Variants in IQCK observed in about 807,000 individuals in gnomAD.
IQCK encodes IQ domain-containing protein K.
A neutral mutation model predicts 28.1 loss-of-function variants in IQCK; 29 were observed. The ratio of observed to expected loss-of-function variants is 1.03; its 90% CI spans 0.77 to 1.41. The LOEUF is 1.41. Ranked by LOEUF, IQCK falls within the 40% of genes most tolerant of loss-of-function variation. The probability of loss-of-function intolerance (pLI) is 0.00; values close to 1 mark genes in which losing one functional copy is unlikely to be tolerated. For synonymous variants in IQCK, 113 were observed against 115.1 expected, an observed-to-expected ratio of 0.98 and a Z score of 0.12; for missense variants, 359 against 314.7, an observed-to-expected ratio of 1.14 and a Z score of -1.07.
At chr16:19,738,372 TGGA>T (rs2054785004) in intron 4 of IQCK, among the ~76,000 whole-genome samples, 1 of 152,150 alleles carries the variant, frequency 6.6e-6, no homozygotes. Context: ...GTTTAGTTGA[TGGA>T]GGAGAACAGT....
chr16:19,762,421 A>C (rs1035509274), intron 4 of IQCK, among the ~76,000 whole-genome samples: 2 of 152,166 alleles, frequency 1.3e-5, no homozygotes, highest in African/African-American at 4.8e-5. Flanking sequence ...TAAATAACAA[A>C]ATCCTGCAAT....
chr16:19,858,397 G>A (rs2056590479), exon 10 of IQCK: 1 of 496,200 alleles, frequency 2.0e-6, no homozygotes, highest in Non-Finnish European at 3.6e-6. Context: ...GGGGAAGCAC[G>A]ACTTTCCATG....
At chr16:19,827,118 G>C in exon 8 of IQCK, 1 of 1,613,390 alleles carries the variant, frequency 6.2e-7, no homozygotes, top group Non-Finnish European at 8.5e-7. Context: ...AAATTTTCTG[G>C]GCCAAGCAAG....
At chr16:19,782,636 AAGAGAAAG>A (rs1034767768) in intron 6 of IQCK, among the ~76,000 whole-genome samples, 1 of 151,954 alleles carries the variant, frequency 6.6e-6, no homozygotes, top group Admixed American at 6.6e-5. Flanking sequence ...AAAAAAAGAA[AAGAGAAAG>A]AGAGAAAGAA....
At chr16:19,761,602 C>T in intron 4 of IQCK, 1 of 279,428 alleles carries the variant, frequency 3.6e-6, no homozygotes, top group South Asian at 3.3e-5. Context: ...ATTTCCATAA[C>T]AATTCTCTAA....
intron 1 of IQCK, among the ~76,000 whole-genome samples, chr16:19,727,521 A>G (rs1203326912): frequency 6.7e-6 from 1 of 148,494 alleles, no homozygotes; most frequent in Admixed American, 6.8e-5. Context: ...CAGGAGGCGG[A>G]GGTTGCAGTG....
At chr16:19,735,387 T>C (rs762429784) in exon 4 of IQCK, 3 of 1,614,000 alleles carry the variant, frequency 1.9e-6, no homozygotes, top group Non-Finnish European at 2.5e-6. Flanking sequence ...CTTTCATCTT[T>C]CCTGTTCTGC....
chr16:19,844,688 C>T (rs186758427), intron 9 of IQCK, among the ~76,000 whole-genome samples: 22 of 152,270 alleles, frequency 1.4e-4, no homozygotes, highest in Non-Finnish European at 2.9e-4. Flanking sequence ...GAAAGAACGC[C>T]GGTTGAAACT....
rs1297259454 is a variant in IQCK, at chr16:19,807,407, G to C, written c.690+18485G>C. On this transcript the variant is annotated intron_variant, in intron 7 of 7. Coordinates refer to ENST00000564186, the Ensembl canonical transcript of IQCK. ...AATGGAGACCAATACAATAACTCAG[G>C]CTGCTGCAGAGAGAACAGATTGTAA... is the stretch of plus-strand genomic sequence containing the variant. 2.0e-5 allele frequency among the ~76,000 whole-genome samples: 3 copies of C among 152,320 alleles called. No homozygotes were observed. The East Asian group carries it at 5.8e-4, about 29-fold the overall frequency.
intron 6 of IQCK, among the ~76,000 whole-genome samples, chr16:19,767,109 A>G (rs868609742): frequency 1.3e-4 from 20 of 152,282 alleles, no homozygotes; most frequent in African/African-American, 4.3e-4. Context: ...CTGCTGCTCA[A>G]ACCTCTAGGG....
chr16:19,786,505 C>T (rs902864613), intron 6 of IQCK, among the ~76,000 whole-genome samples: 3 of 145,092 alleles, frequency 2.1e-5, no homozygotes, highest in African/African-American at 5.7e-5. Flanking sequence ...TGAGACCAAC[C>T]TGGCCAACAC....
chr16:19,766,341 G>A (rs1013415514), intron 6 of IQCK, among the ~76,000 whole-genome samples: 25 of 152,344 alleles, frequency 1.6e-4, no homozygotes, highest in African/African-American at 5.8e-4. Flanking sequence ...TGTTAACAAA[G>A]CATTAAAGGG....
chr16:19,854,656 G>A (rs755068906), intron 9 of IQCK, among the ~76,000 whole-genome samples: 2 of 152,202 alleles, frequency 1.3e-5, no homozygotes, highest in African/African-American at 4.8e-5. Flanking sequence ...GGGCAGCCCC[G>A]CTCCATCTGA....
At chr16:19,844,597 G>C (rs1198702347) in intron 9 of IQCK, among the ~76,000 whole-genome samples, 2 of 152,214 alleles carry the variant, frequency 1.3e-5, no homozygotes, top group African/African-American at 4.8e-5. Context: ...AGCTTTGTTT[G>C]TAGATAAATG....
chr16:19,752,860 G>A (rs567601261), intron 4 of IQCK, among the ~76,000 whole-genome samples: 37 of 152,182 alleles, frequency 2.4e-4, no homozygotes, highest in Non-Finnish European at 4.6e-4. Context: ...CATCGTGCCC[G>A]GACCTTTTAA....
intron 2 of IQCK, 138 bp downstream of exon 2, chr16:19,730,632 G>A: frequency 1.8e-6 from 1 of 541,396 alleles, no homozygotes. Context: ...CAGAAACTTG[G>A]GGCCAATCCC....
At chr16:19,806,672 G>A (rs1392820879) in intron 7 of IQCK, among the ~76,000 whole-genome samples, 4 of 151,976 alleles carry the variant, frequency 2.6e-5, no homozygotes, top group Non-Finnish European at 5.9e-5. Flanking sequence ...CTGGGTGACA[G>A]AGCAAGACCC....
chr16:19,725,015 C>T (rs1445601990), intron 1 of IQCK, among the ~76,000 whole-genome samples: 1 of 152,132 alleles, frequency 6.6e-6, no homozygotes, highest in Admixed American at 6.5e-5. Context: ...CGGGCTCCTT[C>T]TGCTCTGCCT....
intron 4 of IQCK, among the ~76,000 whole-genome samples, chr16:19,747,429 G>A (rs866110584): frequency 1.3e-5 from 2 of 151,806 alleles, no homozygotes; most frequent in Non-Finnish European, 2.9e-5. Flanking sequence ...ACTTTCACAC[G>A]TTAGATTGGC....
Sources: allele counts gnomAD v4.1 joint callset (sites outside exome capture counted in the v4.1 genomes callset), GRCh38; gene constraint gnomAD v4.1.1; transcripts MANE v1.5; gene names NCBI Gene and HGNC (gene_info 2026-07-23, HGNC 2026-07-21).